ABCE1: variants seen among roughly 807,000 people sequenced by gnomAD.
ABCE1 encodes ATP-binding cassette sub-family E member 1.
A neutral mutation model predicts 83.4 loss-of-function variants in ABCE1; 22 were observed. The observed-to-expected ratio is 0.26, with a 90% CI of 0.19 to 0.38. ABCE1 has a LOEUF of 0.38. ABCE1 is among the 10% of genes least tolerant of loss of function. The pLI is 1.00. For missense variants in ABCE1, 330 were observed against 721.9 expected (o/e 0.46, Z 6.22); for synonymous variants, 204 against 233.7 (o/e 0.87, Z 1.16).
chr4:145,108,967 C>G (rs1749387319), intron 4 of ABCE1, among the ~76,000 whole-genome samples, 165 bp from the exon 5 acceptor site: 1 of 152,104 alleles, frequency 6.6e-6, no homozygotes, highest in Admixed American at 6.5e-5. Flanking sequence ...AGCCATTAAT[C>G]TTGGCTGTTT....
intron 16 of ABCE1, among the ~76,000 whole-genome samples, 184 bp from the exon 17 acceptor site, chr4:145,124,806 A>G (rs910540088): frequency 3.3e-5 from 5 of 150,890 alleles, no homozygotes; most frequent in African/African-American, 1.2e-4. Context: ...CAAGAAAACT[A>G]TATAGTCCAA....
chr4:145,120,179 A>G (rs774135028), intron 11 of ABCE1, 26 bp downstream of exon 11: 4 of 1,566,096 alleles, frequency 2.6e-6, no homozygotes, highest in African/African-American at 1.4e-5. Context: ...TGTGATAAGT[A>G]AAAATCTTCC....
At chr4:145,116,125 T>G (rs1339916644) in intron 9 of ABCE1, among the ~76,000 whole-genome samples, 1 of 151,872 alleles carries the variant, frequency 6.6e-6, no homozygotes, top group Non-Finnish European at 1.5e-5. Context: ...AGAAAAAGAA[T>G]AGCTTCCTAG....
intron 16 of ABCE1, 44 bp downstream of exon 16, chr4:145,123,644 T>A: frequency 6.6e-7 from 1 of 1,521,910 alleles, no homozygotes; most frequent in Non-Finnish European, 8.9e-7. Flanking sequence ...CATTTTAAAT[T>A]TTCCAGTAAA....
chr4:145,110,904 C>CA, intron 7 of ABCE1, 64 bp from the exon 8 acceptor site: 1 of 1,014,034 alleles, frequency 9.9e-7, no homozygotes, highest in Non-Finnish European at 1.5e-6. Context: ...TGATGACATG[C>CA]AGTATACTTT....
At chr4:145,125,206 C>A in intron 17 of ABCE1, 105 bp downstream of exon 17, 2 of 799,928 alleles carry the variant, frequency 2.5e-6, no homozygotes, top group Non-Finnish European at 3.9e-6. Flanking sequence ...GTGGCTCACA[C>A]CTGTGATTCA....
chr4:145,107,522 A>G (rs1579211266), intron 3 of ABCE1, among the ~76,000 whole-genome samples: 1 of 152,336 alleles, frequency 6.6e-6, no homozygotes, highest in African/African-American at 2.4e-5. Flanking sequence ...AAGGTTTTTC[A>G]ATAAGTATTA....
rs1749948343 is a variant in ABCE1 at position 145,128,269 on chromosome 4, G to A, written c.*696G>A. On this transcript the variant is annotated 3_prime_UTR_variant, in exon 18 of 18. Coordinates refer to ENST00000296577, the MANE Select transcript of ABCE1 (RefSeq NM_002940.3). ...TTTTTTTGTTTTTGCATTCCATGAGGTTCTGTATTCAGTCATTCTCTAGGT... is the reference window on the plus strand; with the variant it reads ...TTTTTTTGTTTTTGCATTCCATGAGATTCTGTATTCAGTCATTCTCTAGGT... The A allele has an allele frequency of 6.6e-6, 1 of 152,446 alleles. No individual in the cohort carries two copies. The highest frequency in any genetic ancestry group is 2.4e-5 in the African/African-American group (1 of 41,404). 9.4% of individuals were successfully genotyped at this position (152,446 alleles called of 1,614,324 possible). A position where few individuals can be genotyped will look rare whatever the true frequency, so the allele number is the denominator to read the frequency against.
In ABCE1 at chr4:145,127,995, C is replaced by G. The variant is rs1749938917; in HGVS notation, c.*422C>G. On this transcript the variant is annotated 3_prime_UTR_variant, in exon 18 of 18. Coordinates refer to ENST00000296577, the MANE Select transcript of ABCE1 (RefSeq NM_002940.3). ...AATGAAACTGCCCTTATTTTAAAAG[C>G]CAGTCAAAGATTCCACTGATTGACA... 6.5e-6 allele frequency: 1 copy of G among 154,092 alleles called. No individual in the cohort carries two copies. The highest frequency in any genetic ancestry group is 1.4e-5 in the Non-Finnish European group (1 of 69,216). The allele number at this position is 154,092 out of a possible 1,614,324, so 9.5% of individuals were successfully genotyped here.
chr4:145,123,870 T>C (rs1208976802), intron 16 of ABCE1: 2 of 222,744 alleles, frequency 9.0e-6, no homozygotes, highest in Non-Finnish European at 1.8e-5. Context: ...AGCTTAACTT[T>C]TGTTTGCTTT....
At chr4:145,116,831 T>A (rs1749620375) in intron 9 of ABCE1, among the ~76,000 whole-genome samples, 1 of 151,952 alleles carries the variant, frequency 6.6e-6, no homozygotes, top group South Asian at 2.1e-4. Flanking sequence ...TACCATTTCA[T>A]ACCTATTCCT....
intron 2 of ABCE1, 36 bp downstream of exon 2, chr4:145,104,551 A>G: frequency 7.3e-7 from 1 of 1,371,046 alleles, no homozygotes; most frequent in Non-Finnish European, 9.9e-7. Context: ...GTATAAAAGA[A>G]AACCATGAAA....
intron 7 of ABCE1, 95 bp downstream of exon 7, chr4:145,110,539 A>C: frequency 1.7e-6 from 2 of 1,210,396 alleles, no homozygotes; most frequent in Non-Finnish European, 2.4e-6. Flanking sequence ...GCAATGATGC[A>C]ACCTCTGCTT....
intron 3 of ABCE1, among the ~76,000 whole-genome samples, chr4:145,106,825 T>A (rs1252285702): frequency 6.6e-6 from 1 of 152,142 alleles, no homozygotes; most frequent in Non-Finnish European, 1.5e-5. Context: ...AAAAATATAA[T>A]TTGTAAAAAC....
chr4:145,125,933 C>T (rs1210514660), intron 17 of ABCE1, among the ~76,000 whole-genome samples: 4 of 151,606 alleles, frequency 2.6e-5, no homozygotes, highest in African/African-American at 9.7e-5. Flanking sequence ...CCCAGCTACT[C>T]GGGAGGCTGA....
chr4:145,108,449 C>T (rs181871538), intron 4 of ABCE1, among the ~76,000 whole-genome samples: 1 of 152,228 alleles, frequency 6.6e-6, no homozygotes, highest in Admixed American at 6.5e-5. Context: ...GTACCCTTAT[C>T]CCCAAAATAA....
At chr4:145,098,849 G>A (rs961837544) in intron 1 of ABCE1, among the ~76,000 whole-genome samples, 4 of 152,270 alleles carry the variant, frequency 2.6e-5, no homozygotes, top group African/African-American at 9.6e-5. Flanking sequence ...GTTGTGGGAA[G>A]TCGTGGCTTC....
intron 17 of ABCE1, among the ~76,000 whole-genome samples, 195 bp from the exon 18 acceptor site, chr4:145,127,331 T>C (rs1008849865): frequency 1.3e-5 from 2 of 152,150 alleles, no homozygotes; most frequent in Non-Finnish European, 2.9e-5. Context: ...CATTCTAGCA[T>C]TAGGGATGGG....
intron 4 of ABCE1, 66 bp from the exon 5 acceptor site, chr4:145,109,066 C>A: frequency 9.1e-7 from 1 of 1,099,486 alleles, no homozygotes; most frequent in Non-Finnish European, 1.4e-6. Flanking sequence ...ATATATCATT[C>A]TGATGTTATG....
Sources: gnomAD v4.1 joint callset for allele counts (sites outside exome capture counted in the v4.1 genomes callset) on GRCh38, gnomAD v4.1.1 for gene constraint, MANE v1.5 for transcripts, NCBI Gene and HGNC (gene_info 2026-07-23, HGNC 2026-07-21) for gene names.